Variants in FBN3 observed in about 807,000 individuals in gnomAD.
The protein encoded by FBN3 is fibrillin 3.
A neutral mutation model predicts 330.1 loss-of-function variants in FBN3; 234 were observed. That is an observed-to-expected ratio of 0.71 (90% confidence interval 0.64 to 0.79). The LOEUF (loss-of-function observed/expected upper bound fraction) is 0.79, where lower values mean the gene tolerates loss of function less well. Among genes scored for constraint, FBN3 ranks in the 30% least tolerant of loss-of-function variants. The pLI, the probability that FBN3 is intolerant of heterozygous loss-of-function variation, is 0.00. For missense variants in FBN3, 3,606 were observed against 3,886.9 expected, an observed-to-expected ratio of 0.93 and a Z score of 1.92; for synonymous variants, 1,458 against 1,517.3, an observed-to-expected ratio of 0.96 and a Z score of 0.91.
chr19:8,086,758 G>A (rs866040000), intron 54 of FBN3, among the ~76,000 whole-genome samples: 19 of 151,246 alleles, frequency 1.3e-4, no homozygotes, highest in African/African-American at 4.1e-4. Flanking sequence ...GTGAGGCACC[G>A]TGCCCAGCCT....
rs1284774897 is a variant in FBN3, at chr19:8,082,796, T to C, written c.7213+451A>G. On this transcript the variant is annotated intron_variant, in intron 57 of 63. Transcript: ENST00000600128. ...AGCATGAGCTACTATGCCTGGCCTG[T>C]TTTTTTTTTTCTTTCTTTCTTTTCT... is the stretch of plus-strand genomic sequence containing the variant. Among the ~76,000 whole-genome samples the C allele has an allele frequency of 1.9e-4, 5 of 25,944 alleles. No individual in the cohort carries two copies. In the African/African-American group the frequency reaches 2.8e-3, roughly 14 times the overall value. 17.0% of individuals were successfully genotyped at this position (25,944 alleles called of 152,430 possible).
At position 8,078,271 on chromosome 19, in the gene FBN3, G is replaced by A. The variant is rs75840703; in HGVS notation, c.7453+2732C>T. Among the ~76,000 whole-genome samples, 5 of 152,248 alleles carry A rather than the reference G, an allele frequency of 3.3e-5. No homozygotes were observed. In the East Asian group the frequency reaches 9.7e-4, roughly 29 times the overall value. ...GTCTGTTGTATCAATAAAGTTTATTGGGACACAGACACGGTCTTTCATTTA... is the reference window on the plus strand; with the variant it reads ...GTCTGTTGTATCAATAAAGTTTATTAGGACACAGACACGGTCTTTCATTTA... On this transcript the variant is annotated intron_variant, in intron 59 of 63. Coordinates refer to ENST00000600128, the MANE Select transcript of FBN3 (RefSeq NM_032447.5).
intron 30 of FBN3, among the ~76,000 whole-genome samples, chr19:8,112,782 C>T (rs2082620800): frequency 6.6e-6 from 1 of 152,212 alleles, no homozygotes. Context: ...TGATCTCTGC[C>T]ATGTTAAACC....
Position 8,095,518 on chromosome 19 carries a change from T to C in FBN3, c.5657-15A>G, listed in dbSNP as rs1405976175. 1 of 1,610,404 alleles carries C rather than the reference T, an allele frequency of 6.2e-7. No individual in the cohort carries two copies. The highest frequency in any genetic ancestry group is 1.3e-5 in the African/African-American group (1 of 74,838). The stretch of plus-strand genomic sequence containing the variant: ...CTCATCAAAATCTGTAGAGGGGAGA[T>C]GGGCAGGCCAGTTCACCCACAAAAC... On this transcript the variant is annotated splice_polypyrimidine_tract_variant and intron_variant, in intron 45 of 63. Coordinates refer to ENST00000600128, the MANE Select transcript of FBN3 (RefSeq NM_032447.5).
Position 8,075,110 on chromosome 19 carries a change from G to A in FBN3, c.7663C>T (p.Gln2555Ter). Residue 2555 changes from glutamine (Q) to a stop codon, truncating the protein, a stop_gained, in exon 61 of 64, where the codon CAG becomes TAG. Transcript: ENST00000600128. LOFTEE classifies it high-confidence loss of function. ...QLGGYRCSCP[Q>*]GFTQHSQWAQ... is the part of the protein sequence containing the mutation. ...CACTGGGAGTGCTGGGTGAAACCCT[G>A]GGGGCAGCTGCAGCGGTAGCCCCCT... 1.3e-6 allele frequency: 2 copies of A among 1,594,864 alleles called. No homozygotes were observed. The highest frequency in any genetic ancestry group is 1.1e-5 in the South Asian group (1 of 88,376).
intron 13 of FBN3, 25 bp downstream of exon 13, chr19:8,135,936 G>GGGGGGGGGGGGGGGGGGGGGGGGCCCCCC: frequency 3.0e-6 from 2 of 668,774 alleles, no homozygotes; most frequent in Non-Finnish European, 4.8e-6. Flanking sequence ...GGAAGCCCCT[G>GGGGGGGGGGGGGGGGGGGGGGGGCCCCCC]CCCACCCGCC....
Position 8,095,496 on chromosome 19 carries a change from A to G in FBN3, c.5664T>C (p.Asp1888=), listed in dbSNP as rs535263637. 5.6e-6 allele frequency: 9 copies of G among 1,613,122 alleles called. No individual in the cohort carries two copies. In the Admixed American group the frequency reaches 6.7e-5, roughly 12 times the overall value. The change falls in exon 46 of 64, where the codon GAT becomes GAC. Residue 1888 remains aspartate (D), a synonymous_variant. Coordinates refer to ENST00000600128, the MANE Select transcript of FBN3 (RefSeq NM_032447.5). ...CCTGCCCCACCAGGGTAGTACACTCATCAAAATCTGTAGAGGGGAGATGGG... is the reference window on the plus strand; with the variant it reads ...CCTGCCCCACCAGGGTAGTACACTCGTCAAAATCTGTAGAGGGGAGATGGG... ...VTHNGDCVDF[D]ECTTLVGQVC...
intron 32 of FBN3, 26 bp downstream of exon 32, chr19:8,111,622 C>CA: frequency 6.7e-6 from 10 of 1,491,986 alleles, no homozygotes; most frequent in Non-Finnish European, 9.2e-6. Flanking sequence ...TCTAGGGCCC[C>CA]TGCCCTCCCA....
intron 14 of FBN3, among the ~76,000 whole-genome samples, chr19:8,132,117 C>T (rs2083163341): frequency 6.6e-6 from 1 of 152,134 alleles, no homozygotes; most frequent in Non-Finnish European, 1.5e-5. Flanking sequence ...GTGATCATAG[C>T]TCACTGCGGC....
At chr19:8,097,184 CA>C in intron 42 of FBN3, 104 bp downstream of exon 42, 1 of 1,484,936 alleles carries the variant, frequency 6.7e-7, no homozygotes. Context: ...ATTATACATA[CA>C]GGGAAATGGA....
In FBN3 at chr19:8,131,727, G is replaced by A. The variant is rs930431690; in HGVS notation, c.1817C>T (p.Thr606Met). The change falls in exon 15 of 64, where the codon ACG (threonine) becomes ATG (methionine). Residue 606 changes from threonine (T) to methionine (M), a missense_variant. Coordinates refer to ENST00000600128, the MANE Select transcript of FBN3 (RefSeq NM_032447.5). This position sits in a 1 kb window ranked among gnomAD's most constrained non-coding sequence, Gnocchi z 4.5. ...CQCLGGLAVGTDGRVCVDTHV... is the reference protein window; with the variant it reads ...CQCLGGLAVGMDGRVCVDTHV... ...GGTGTCCACGCACACGCGGCCATCC[G>A]TGCCTACCGCCAGCCCCCCCAGGCA... is the stretch of plus-strand genomic sequence containing the variant. 41 of 1,613,644 alleles carry A rather than the reference G, an allele frequency of 2.5e-5. No homozygotes were observed. Among genetic ancestry groups the A allele is most frequent in the Non-Finnish European group, 3.4e-5 (40 of 1,179,902 alleles).
intron 59 of FBN3, among the ~76,000 whole-genome samples, chr19:8,077,295 C>T (rs2081663258): frequency 1.3e-5 from 2 of 152,164 alleles, no homozygotes; most frequent in African/African-American, 4.8e-5. Flanking sequence ...CTTTTAGCTT[C>T]CTTGAGTACA....
intron 59 of FBN3, among the ~76,000 whole-genome samples, chr19:8,077,617 C>A (rs376402705): frequency 2.0e-5 from 3 of 152,022 alleles, no homozygotes; most frequent in African/African-American, 7.3e-5. Context: ...CCAGCCTGGG[C>A]GACAGAGTGA....
At chr19:8,089,035 T>A (rs1472652367) in intron 51 of FBN3, among the ~76,000 whole-genome samples, 1 of 151,528 alleles carries the variant, frequency 6.6e-6, no homozygotes, top group Non-Finnish European at 1.5e-5. Flanking sequence ...AGGGGGCAAA[T>A]GAGTGAATGA....
rs1342867867 is a variant in FBN3, at chr19:8,106,091, A to G, written c.4813+17T>C. On this transcript the variant is annotated intron_variant, in intron 38 of 63. Coordinates refer to ENST00000600128, the MANE Select transcript of FBN3 (RefSeq NM_032447.5). ...AGCGGAAGAGCCTGACCCACCCCAA[A>G]GAGAATCCATGCTCACCCTCACAGA... The G allele has an allele frequency of 6.2e-7, 1 of 1,613,720 alleles. No homozygotes were observed. The highest frequency in any genetic ancestry group is 8.5e-7 in the Non-Finnish European group (1 of 1,179,866).
At chr19:8,132,479 C>T (rs2083171002) in intron 14 of FBN3, among the ~76,000 whole-genome samples, 1 of 151,952 alleles carries the variant, frequency 6.6e-6, no homozygotes, top group Admixed American at 6.6e-5. Flanking sequence ...CCCCTCCCCA[C>T]CTTATAATGC....
At position 8,106,269 on chromosome 19, in the gene FBN3, A is replaced by C. The variant is rs757655910; in HGVS notation, c.4688-36T>G. 4.3e-6 allele frequency: 7 copies of C among 1,613,348 alleles called. No homozygotes were observed. The East Asian group carries it at 1.6e-4, about 36-fold the overall frequency. On this transcript the variant is annotated intron_variant, in intron 37 of 63. Transcript: ENST00000600128. ...GTAAGGAAGCCAAGCTTGGGAGCTA[A>C]ACCCATGCAGAGGACTTAAGGGGCA... is the stretch of plus-strand genomic sequence containing the variant.
At position 8,075,392 on chromosome 19, in the gene FBN3, G is replaced by A. The variant is rs191067028; in HGVS notation, c.7473C>T (p.Ala2491=). 1.0e-4 allele frequency: 166 copies of A among 1,613,940 alleles called. 2 individuals carry two copies. In the Admixed American group the frequency reaches 2.2e-3, roughly 21 times the overall value. The stretch of plus-strand genomic sequence containing the variant: ...CGTGGGCACCACATGGGCCAGGCTG[G>A]GCTGAGCACTCATCATTGTCTGCAG... The part of the protein sequence containing the change: ...QACFDNDECS[A]QPGPCGAHGH... The change falls in exon 60 of 64, where the codon GCC becomes GCT. Residue 2491 remains alanine (A), a synonymous_variant. Coordinates refer to ENST00000600128, the MANE Select transcript of FBN3 (RefSeq NM_032447.5).
At chr19:8,069,610 C>T (rs949437024) in intron 63 of FBN3, among the ~76,000 whole-genome samples, 6 of 152,116 alleles carry the variant, frequency 3.9e-5, no homozygotes, top group Non-Finnish European at 5.9e-5. Context: ...ATTTTTGAGA[C>T]AGGGTCTGTC....
Sources: allele counts gnomAD v4.1 joint callset (sites outside exome capture counted in the v4.1 genomes callset), GRCh38; gene constraint gnomAD v4.1.1; non-coding constraint Gnocchi (gnomAD v3.1); transcripts MANE v1.5; gene names NCBI Gene and HGNC (gene_info 2026-07-23, HGNC 2026-07-21).